EFCAB6: variants seen among roughly 807,000 people sequenced by gnomAD.
EFCAB6 encodes the protein EF-hand calcium binding domain 6.
EFCAB6 carries 156 observed loss-of-function variants against 169.8 expected under a neutral mutation model. The observed-to-expected ratio is 0.92, with a 90% CI of 0.81 to 1.05. The LOEUF is 1.05. EFCAB6 is among the 50% of genes least tolerant of loss of function. The pLI is 0.00. For missense variants in EFCAB6, 1,800 were observed against 1,829.1 expected, an observed-to-expected ratio of 0.98 and a Z score of 0.29; for synonymous variants, 698 against 676.4, an observed-to-expected ratio of 1.03 and a Z score of -0.50.
chr22:43,561,441 C>T (rs1413899687), intron 26 of EFCAB6, among the ~76,000 whole-genome samples: 1 of 152,012 alleles, frequency 6.6e-6, no homozygotes, highest in African/African-American at 2.4e-5. Context: ...GAAAACCCCG[C>T]CCCCCTCAGC....
Position 43,528,976 on chromosome 22 carries a change from C to T in EFCAB6, c.4384-1G>A. 6.3e-7 allele frequency: 1 copy of T among 1,574,898 alleles called. No individual in the cohort carries two copies. Among genetic ancestry groups the T allele is most frequent in the Non-Finnish European group, 8.7e-7 (1 of 1,149,516 alleles). On this transcript the variant is annotated splice_acceptor_variant, in intron 31 of 31. Coordinates refer to ENST00000262726, the MANE Select transcript of EFCAB6 (RefSeq NM_022785.4). LOFTEE classifies it high-confidence loss of function. ...GGTTGATGCTGTACTGTCTCAGGAC[C>T]TGGAAGACAGAGAAAAGGGGCCTCT...
At chr22:43,569,010 G>GCAA (rs1400342951) in intron 26 of EFCAB6, among the ~76,000 whole-genome samples, 1 of 152,230 alleles carries the variant, frequency 6.6e-6, no homozygotes, top group Non-Finnish European at 1.5e-5. Flanking sequence ...TCCTGCAAGA[G>GCAA]GCATCAGAAA....
chr22:43,629,432 G>A (rs183372546), intron 19 of EFCAB6, among the ~76,000 whole-genome samples: 1 of 152,202 alleles, frequency 6.6e-6, no homozygotes, highest in East Asian at 1.9e-4. Flanking sequence ...GCGGGTGTCA[G>A]AACACACAAG....
chr22:43,593,866 G>A (rs565364829), intron 23 of EFCAB6, among the ~76,000 whole-genome samples: 15 of 152,322 alleles, frequency 9.8e-5, no homozygotes, highest in Middle Eastern at 3.4e-3. Flanking sequence ...AGAGCCACAC[G>A]TATAAGGAGT....
chr22:43,671,548 T>C (rs1270254448), intron 15 of EFCAB6, among the ~76,000 whole-genome samples: 1 of 152,034 alleles, frequency 6.6e-6, no homozygotes, highest in Non-Finnish European at 1.5e-5. Flanking sequence ...TCCACAAGAG[T>C]TGAGATGAAA....
At chr22:43,637,342 C>T (rs1456592934) in intron 17 of EFCAB6, among the ~76,000 whole-genome samples, 2 of 152,262 alleles carry the variant, frequency 1.3e-5, no homozygotes, top group African/African-American at 4.8e-5. Context: ...CAGTCATCAG[C>T]TTCCTTTGTT....
chr22:43,561,318 C>T (rs549359214), intron 26 of EFCAB6, among the ~76,000 whole-genome samples: 128 of 150,892 alleles, frequency 8.5e-4, no homozygotes, highest in African/African-American at 3.0e-3. Flanking sequence ...GATCGTGCTA[C>T]TGCACTCCAG....
At chr22:43,674,919 CT>C (rs1388043884) in intron 13 of EFCAB6, among the ~76,000 whole-genome samples, 1 of 151,954 alleles carries the variant, frequency 6.6e-6, no homozygotes, top group African/African-American at 2.4e-5. Context: ...GGCCACTAGG[CT>C]TGATCTGACT....
intron 26 of EFCAB6, among the ~76,000 whole-genome samples, chr22:43,567,325 C>T (rs1213633440): frequency 1.3e-5 from 2 of 152,150 alleles, no homozygotes; most frequent in African/African-American, 4.8e-5. Context: ...CCCTTCCACC[C>T]TTTAATGATT....
In EFCAB6 at chr22:43,683,657, C is replaced by T. The variant is rs984605695; in HGVS notation, c.1251+90G>A. 1.2e-4 allele frequency: 113 copies of T among 930,650 alleles called. 2 individuals are homozygous for T. The highest frequency in any genetic ancestry group is 5.0e-4 in the African/African-American group (31 of 61,418). The allele number at this position is 930,650 out of a possible 1,614,324, so 57.6% of individuals were successfully genotyped here. Reference sequence around the variant, plus strand: ...AGTGTTTGTTGGATGGATAAATGAACGAATATGGAGTTGTTATTGGTCTTG... The same window carrying T: ...AGTGTTTGTTGGATGGATAAATGAATGAATATGGAGTTGTTATTGGTCTTG... On this transcript the variant is annotated intron_variant, in intron 12 of 31. Coordinates refer to ENST00000262726, the MANE Select transcript of EFCAB6 (RefSeq NM_022785.4).
chr22:43,739,142 G>A (rs149097764), intron 6 of EFCAB6, among the ~76,000 whole-genome samples: 1,540 of 152,188 alleles, frequency 0.01, 11 homozygotes, highest in Middle Eastern at 0.034. Context: ...CTCTTAAAAC[G>A]TCTCCAATCA....
rs150176262 is a variant in EFCAB6, at chr22:43,705,118, G to A, written c.1031+6357C>T. 2.0e-4 allele frequency among the ~76,000 whole-genome samples: 31 copies of A among 152,126 alleles called. No homozygotes were observed. In the East Asian group the frequency reaches 5.0e-3, roughly 25 times the overall value. ...CAAAATAGATTTTAAGTCAAAAATT[G>A]TAAAAAGAAACAAAGGACATTATAT... On this transcript the variant is annotated intron_variant, in intron 10 of 31. Transcript: ENST00000262726.
chr22:43,605,627 A>C (rs1169441186), intron 22 of EFCAB6, among the ~76,000 whole-genome samples: 1 of 151,934 alleles, frequency 6.6e-6, no homozygotes, highest in Non-Finnish European at 1.5e-5. Context: ...CCAGTGACAG[A>C]GTGAGACTCT....
Position 43,782,201 on chromosome 22 carries a change from T to G in EFCAB6, c.118A>C (p.Asn40His). Residue 40 changes from asparagine (N) to histidine (H), a missense_variant, in exon 3 of 32, where the codon AAT (asparagine) becomes CAT (histidine). Coordinates refer to ENST00000262726, the MANE Select transcript of EFCAB6 (RefSeq NM_022785.4). ...CRVYSRNGSP[N>H]KFRSSSTTAV... ...TTACTTGAAGAAGATCTGAACTTAT[T>G]TGGGGAACCATTCCTTGAATATACT... 1 of 1,612,318 alleles carries G rather than the reference T, an allele frequency of 6.2e-7. No homozygotes were observed. The highest frequency in any genetic ancestry group is 8.5e-7 in the Non-Finnish European group (1 of 1,179,524).
intron 3 of EFCAB6, among the ~76,000 whole-genome samples, chr22:43,781,249 T>C (rs2148030578): frequency 6.6e-6 from 1 of 152,334 alleles, no homozygotes; most frequent in East Asian, 1.9e-4. Flanking sequence ...TATGTCCACA[T>C]AAAAACCAGT....
intron 26 of EFCAB6, among the ~76,000 whole-genome samples, chr22:43,575,478 G>A (rs1296277022): frequency 6.6e-6 from 1 of 151,114 alleles, no homozygotes; most frequent in Non-Finnish European, 1.5e-5. Flanking sequence ...AAAGTGCTGG[G>A]ATTACAGGCA....
At chr22:43,590,288 A>C in intron 23 of EFCAB6, 59 bp from the exon 24 acceptor site, 1 of 1,568,212 alleles carries the variant, frequency 6.4e-7, no homozygotes, top group Non-Finnish European at 8.6e-7. Context: ...AACTCCTTTA[A>C]AGCAAACACT....
chr22:43,748,597 C>A (rs1002540461), intron 6 of EFCAB6, among the ~76,000 whole-genome samples: 1 of 152,146 alleles, frequency 6.6e-6, no homozygotes, highest in African/African-American at 2.4e-5. Context: ...TTCTACAAAA[C>A]TTTCTTTATT....
intron 27 of EFCAB6, among the ~76,000 whole-genome samples, chr22:43,543,738 A>AT (rs1352648436): frequency 6.6e-6 from 1 of 152,066 alleles, no homozygotes; most frequent in Non-Finnish European, 1.5e-5. Flanking sequence ...GAGGCCCAGG[A>AT]TGCCTCCACC....
Sources: gnomAD v4.1 joint callset for allele counts (sites outside exome capture counted in the v4.1 genomes callset) on GRCh38, gnomAD v4.1.1 for gene constraint, MANE v1.5 for transcripts, NCBI Gene and HGNC (gene_info 2026-07-23, HGNC 2026-07-21) for gene names.